PHTF1: variants seen among roughly 807,000 people sequenced by gnomAD.
The protein encoded by PHTF1 is protein PHTF1.
PHTF1 carries 88 observed loss-of-function variants against 102.4 expected under a neutral mutation model. That is an observed-to-expected ratio of 0.86 (90% CI 0.72 to 1.03). The LOEUF is 1.03. PHTF1 is among the 50% of genes least tolerant of loss of function. The probability of loss-of-function intolerance (pLI) is 0.00; values close to 1 mark genes in which losing one functional copy is unlikely to be tolerated. For missense variants in PHTF1, 814 were observed against 909.5 expected, an observed-to-expected ratio of 0.89 and a Z score of 1.35; for synonymous variants, 289 against 305.2, an observed-to-expected ratio of 0.95 and a Z score of 0.55.
chr1:113,748,921 T>C (rs907202433), intron 3 of PHTF1, among the ~76,000 whole-genome samples: 2 of 152,246 alleles, frequency 1.3e-5, no homozygotes, highest in African/African-American at 4.8e-5. Context: ...AATTTTTAAA[T>C]TGACAGATAA....
chr1:113,701,000 T>C (rs575095978), intron 15 of PHTF1, 51 bp from the exon 16 acceptor site: 17 of 1,310,224 alleles, frequency 1.3e-5, no homozygotes, highest in Non-Finnish European at 1.7e-5. Flanking sequence ...CTTAAAATCA[T>C]GTAATTACTC....
chr1:113,738,020 G>A, intron 5 of PHTF1, 90 bp downstream of exon 5: 1 of 879,020 alleles, frequency 1.1e-6, no homozygotes, highest in Admixed American at 2.3e-5. Context: ...TCAAATGAAA[G>A]GGTAAATGTA....
chr1:113,699,956 C>T, intron 16 of PHTF1, 157 bp from the exon 17 acceptor site: 1 of 671,836 alleles, frequency 1.5e-6, no homozygotes, highest in Admixed American at 3.8e-5. Flanking sequence ...TGCTCTAGCC[C>T]CCATTCCTGA....
intron 7 of PHTF1, among the ~76,000 whole-genome samples, chr1:113,723,516 A>C (rs1255492565): frequency 6.6e-6 from 1 of 152,218 alleles, no homozygotes; most frequent in African/African-American, 2.4e-5. Flanking sequence ...CCAAGAACAT[A>C]CATTAGAGAA....
intron 5 of PHTF1, among the ~76,000 whole-genome samples, chr1:113,732,654 T>C (rs1048358692): frequency 3.3e-5 from 5 of 152,128 alleles, no homozygotes; most frequent in Non-Finnish European, 7.3e-5. Context: ...ATTTAATATA[T>C]GGCATAGATA....
intron 6 of PHTF1, chr1:113,725,225 T>C (rs1420907203): frequency 5.7e-6 from 1 of 173,988 alleles, no homozygotes; most frequent in Non-Finnish European, 1.2e-5. Context: ...TCTTTAAATA[T>C]GGATGTTAGG....
At chr1:113,730,275 A>C (rs1654448907) in intron 5 of PHTF1, among the ~76,000 whole-genome samples, 1 of 152,214 alleles carries the variant, frequency 6.6e-6, no homozygotes, top group South Asian at 2.1e-4. Flanking sequence ...AAACACATAC[A>C]TACATTTGTT....
At chr1:113,724,421 C>T (rs901924249) in intron 7 of PHTF1, among the ~76,000 whole-genome samples, 2 of 151,884 alleles carry the variant, frequency 1.3e-5, no homozygotes, top group Admixed American at 1.3e-4. Context: ...CACCTGTCAT[C>T]CCAGCTATTC....
chr1:113,699,830 T>A (rs1402727689), intron 16 of PHTF1, 31 bp from the exon 17 acceptor site: 1 of 888,268 alleles, frequency 1.1e-6, no homozygotes, highest in Admixed American at 2.6e-5. Flanking sequence ...TAAGGTAAAT[T>A]TCTTGGAAAA....
chr1:113,704,027 T>A, intron 15 of PHTF1, 54 bp downstream of exon 15: 1 of 1,127,522 alleles, frequency 8.9e-7, no homozygotes, highest in East Asian at 2.5e-5. Flanking sequence ...AAACAGAAAG[T>A]GAACTCTATA....
In PHTF1 at chr1:113,706,159, T is replaced by A. The variant is rs147693102; in HGVS notation, c.1402A>T (p.Asn468Tyr). ...TAACCTACTCCTTGCTGATAGGCAT[T>A]GACCTGTGAATTAATTTAAAATTTC... ...EISGIIMSRV[N>Y]AYQQGVGYQM... The change falls in exon 13 of 19, where the codon AAT becomes TAT. Residue 468 changes from asparagine to tyrosine, a missense_variant. Physicochemically the swap from Asn to Tyr is moderately radical, Grantham distance 143. Transcript: ENST00000369604. 168 of 1,596,898 alleles carry A rather than the reference T, an allele frequency of 1.1e-4. No individual in the cohort carries two copies. In the African/African-American group the frequency reaches 1.9e-3, roughly 18 times the overall value.
intron 15 of PHTF1, chr1:113,703,831 C>T (rs1936398): frequency 0.73 from 307,764 of 423,272 alleles, 114,217 homozygotes; most frequent in African/African-American, 0.83. Context: ...TATTTTGCAA[C>T]CATATGATAG....
chr1:113,740,775 A>G (rs1656227145), intron 3 of PHTF1, among the ~76,000 whole-genome samples: 1 of 152,132 alleles, frequency 6.6e-6, no homozygotes, highest in South Asian at 2.1e-4. Flanking sequence ...CACCCCTATA[A>G]TCCCAGCACT....
intron 11 of PHTF1, among the ~76,000 whole-genome samples, chr1:113,709,600 C>CAAT (rs1174793696): frequency 6.6e-6 from 1 of 152,212 alleles, no homozygotes; most frequent in Non-Finnish European, 1.5e-5. Context: ...AATTGATCAT[C>CAAT]TGATGGAGAT....
At chr1:113,717,027 G>T (rs531810652) in intron 7 of PHTF1, among the ~76,000 whole-genome samples, 1 of 152,194 alleles carries the variant, frequency 6.6e-6, no homozygotes, top group East Asian at 1.9e-4. Flanking sequence ...AGTATAATAA[G>T]ATATAAATAC....
At chr1:113,727,049 T>C (rs1653956967) in intron 5 of PHTF1, among the ~76,000 whole-genome samples, 2 of 152,074 alleles carry the variant, frequency 1.3e-5, no homozygotes, top group South Asian at 2.1e-4. Flanking sequence ...TGTGTATATA[T>C]ATATATATAT....
chr1:113,699,527 T>C, intron 17 of PHTF1, 177 bp downstream of exon 17: 1 of 660,130 alleles, frequency 1.5e-6, no homozygotes, highest in Non-Finnish European at 2.8e-6. Flanking sequence ...AGGAGCTCTG[T>C]GACCTCAGCT....
Position 113,697,538 on chromosome 1 carries a change from A to G in PHTF1, c.*167T>C. ...GTTTTTAGCATGCACACCCAGTTGG[A>G]AAAGGACTTGCTCCTCCGGAAACAC... On this transcript the variant is annotated 3_prime_UTR_variant, in exon 19 of 19. Transcript: ENST00000369604. 1 of 572,840 alleles carries G rather than the reference A, an allele frequency of 1.7e-6. No individual in the cohort carries two copies. 35.5% of individuals were successfully genotyped at this position (572,840 alleles called of 1,614,324 possible).
chr1:113,742,485 G>A (rs528465321), intron 3 of PHTF1, among the ~76,000 whole-genome samples: 8 of 152,160 alleles, frequency 5.3e-5, no homozygotes, highest in South Asian at 4.2e-4. Context: ...TTAGCCAGGC[G>A]TGGTGGTGGG....
Sources: gnomAD v4.1 joint callset for allele counts (sites outside exome capture counted in the v4.1 genomes callset) on GRCh38, gnomAD v4.1.1 for gene constraint, MANE v1.5 for transcripts, NCBI Gene and HGNC (gene_info 2026-07-23, HGNC 2026-07-21) for gene names.